Variants in LRRK1 observed in about 807,000 individuals in gnomAD.
The protein encoded by LRRK1 is leucine rich repeat kinase 1.
A neutral mutation model predicts 209.1 loss-of-function variants in LRRK1; 113 were observed. That is an observed-to-expected ratio of 0.54 (90% CI 0.46 to 0.63). The LOEUF (loss-of-function observed/expected upper bound fraction) is 0.63. Ranked by LOEUF, LRRK1 falls within the 30% of genes least tolerant of loss-of-function variation. The pLI, the probability that LRRK1 is intolerant of heterozygous loss-of-function variation, is 0.00. For missense variants in LRRK1, 2,284 were observed against 2,632.2 expected, an observed-to-expected ratio of 0.87 and a Z score of 2.89; for synonymous variants, 1,144 against 1,099.7, an observed-to-expected ratio of 1.04 and a Z score of -0.80.
At chr15:100,923,880 A>G (rs1333006745) in intron 1 of LRRK1, among the ~76,000 whole-genome samples, 1 of 152,182 alleles carries the variant, frequency 6.6e-6, no homozygotes, top group Non-Finnish European at 1.5e-5. Flanking sequence ...GTCTCCAGAC[A>G]TTGCCAAATG....
chr15:100,976,153 A>G (rs1415976819), intron 3 of LRRK1, among the ~76,000 whole-genome samples: 1 of 151,880 alleles, frequency 6.6e-6, no homozygotes, highest in Non-Finnish European at 1.5e-5. Flanking sequence ...TCTTTCAACC[A>G]TGAAGGAAAT....
rs1222833998 is a variant in LRRK1 at position 101,051,770 on chromosome 15, G to A, written c.3499G>A (p.Val1167Ile). The A allele has an allele frequency of 6.2e-7, 1 of 1,614,044 alleles. No homozygotes were observed. The highest frequency in any genetic ancestry group is 2.2e-5 in the East Asian group (1 of 44,878). The change falls in exon 24 of 34, where the codon GTC becomes ATC. Residue 1167 changes from valine (V) to isoleucine (I), a missense_variant. By Grantham distance (29) the Val-to-Ile change is conservative (BLOSUM62 3). This residue lies in a region of LRRK1 where 780 missense variants were observed against 985.2 expected (regional missense o/e 0.79). Coordinates refer to ENST00000388948, the MANE Select transcript of LRRK1 (RefSeq NM_024652.6). ...PLMEQYVPCP[V>I]CETAWAQHTD... ...CATGGAGCAGTACGTGCCCTGCCCG[G>A]TCTGCGAGACAGCCTGGGCCCAGCA... is the stretch of plus-strand genomic sequence containing the variant.
intron 21 of LRRK1, among the ~76,000 whole-genome samples, chr15:101,047,577 G>C (rs58481317): frequency 0.017 from 2,629 of 152,338 alleles, 94 homozygotes; most frequent in African/African-American, 0.061. Context: ...TGGGTGACAG[G>C]AGGGGGAAAA....
chr15:101,041,204 G>A (rs2141116168), intron 20 of LRRK1, among the ~76,000 whole-genome samples: 1 of 152,196 alleles, frequency 6.6e-6, no homozygotes, highest in South Asian at 2.1e-4. Flanking sequence ...TGTTAAAATA[G>A]CCACACCAGC....
chr15:100,956,767 C>G (rs1161222332), intron 2 of LRRK1, among the ~76,000 whole-genome samples: 1 of 152,020 alleles, frequency 6.6e-6, no homozygotes, highest in Non-Finnish European at 1.5e-5. Flanking sequence ...CCAGCCTGAT[C>G]TTTTCTATTA....
chr15:101,014,046 C>T (rs1596274605), intron 10 of LRRK1, among the ~76,000 whole-genome samples: 1 of 152,268 alleles, frequency 6.6e-6, no homozygotes, highest in East Asian at 1.9e-4. Flanking sequence ...ATGCTGACAG[C>T]TGCTTGGGCT....
chr15:100,962,821 A>ATTTTT (rs1430253898), intron 2 of LRRK1, among the ~76,000 whole-genome samples: 2 of 14,684 alleles, frequency 1.4e-4, no homozygotes, highest in African/African-American at 4.3e-4. Context: ...ATATATATAT[A>ATTTTT]TATTTTTTTT....
At chr15:101,020,500 CG>C (rs1201642431) in intron 12 of LRRK1, among the ~76,000 whole-genome samples, 1 of 151,804 alleles carries the variant, frequency 6.6e-6, no homozygotes, top group Non-Finnish European at 1.5e-5. Context: ...TCAGCCCCCC[CG>C]AGTAGCTGGG....
intron 23 of LRRK1, 93 bp downstream of exon 23, chr15:101,049,876 C>T (rs2035303956): frequency 2.2e-6 from 3 of 1,381,734 alleles, no homozygotes; most frequent in East Asian, 4.8e-5. Flanking sequence ...ACAAAAATCC[C>T]ACTGGGATTC....
chr15:100,996,932 A>C (rs929013438), intron 6 of LRRK1, among the ~76,000 whole-genome samples: 1 of 152,242 alleles, frequency 6.6e-6, no homozygotes, highest in Admixed American at 6.5e-5. Flanking sequence ...AATAAGAGTA[A>C]GAAACATTAG....
chr15:100,950,874 C>T (rs575912126), intron 2 of LRRK1, among the ~76,000 whole-genome samples: 31 of 152,288 alleles, frequency 2.0e-4, no homozygotes, highest in South Asian at 1.0e-3. Context: ...GAGGCCAAGG[C>T]GGGCAGATCA....
intron 5 of LRRK1, 54 bp from the exon 6 acceptor site, chr15:100,989,196 C>T (rs546386243): frequency 1.3e-5 from 20 of 1,516,108 alleles, no homozygotes; most frequent in African/African-American, 7.0e-5. Context: ...GCCCTTCCAA[C>T]GACTGTGACA....
At chr15:100,939,367 G>GCC (rs2141607011) in intron 2 of LRRK1, among the ~76,000 whole-genome samples, 1 of 152,216 alleles carries the variant, frequency 6.6e-6, no homozygotes, top group South Asian at 2.1e-4. Context: ...ATTTCTATGT[G>GCC]TGGCCTGACA....
intron 2 of LRRK1, among the ~76,000 whole-genome samples, chr15:100,937,954 G>A (rs113173365): frequency 2.7e-5 from 4 of 150,498 alleles, no homozygotes; most frequent in Admixed American, 1.3e-4. Context: ...GGGCTTTAGC[G>A]ATCCTCCTAC....
chr15:101,062,732 C>A, intron 31 of LRRK1, 42 bp downstream of exon 31: 1 of 1,410,130 alleles, frequency 7.1e-7, no homozygotes, highest in Non-Finnish European at 1.0e-6. Flanking sequence ...CTCTGATGCA[C>A]TTCCACGCCT....
At chr15:100,941,674 T>C (rs1348149611) in intron 2 of LRRK1, among the ~76,000 whole-genome samples, 1 of 152,192 alleles carries the variant, frequency 6.6e-6, no homozygotes, top group African/African-American at 2.4e-5. Flanking sequence ...GAACACAGCA[T>C]TTGTCACAAT....
intron 20 of LRRK1, among the ~76,000 whole-genome samples, chr15:101,041,448 T>C (rs1462349153): frequency 6.6e-6 from 1 of 152,264 alleles, no homozygotes; most frequent in Non-Finnish European, 1.5e-5. Context: ...TTGTTCATTC[T>C]TTCCTGCCTT....
intron 12 of LRRK1, among the ~76,000 whole-genome samples, chr15:101,018,203 A>AC (rs2033629900): frequency 6.6e-6 from 1 of 151,110 alleles, no homozygotes; most frequent in Non-Finnish European, 1.5e-5. Flanking sequence ...AAAAGACAAC[A>AC]CAATAGGCAA....
chr15:100,973,422 G>A (rs1330941717), intron 2 of LRRK1, among the ~76,000 whole-genome samples: 1 of 152,192 alleles, frequency 6.6e-6, no homozygotes, highest in Non-Finnish European at 1.5e-5. Context: ...TTCCCCCGTG[G>A]GCACCGCAGC....
Sources: allele counts gnomAD v4.1 joint callset (sites outside exome capture counted in the v4.1 genomes callset), GRCh38; gene constraint gnomAD v4.1.1; regional missense constraint gnomAD v4.1.1; transcripts MANE v1.5; gene names NCBI Gene and HGNC (gene_info 2026-07-23, HGNC 2026-07-21).